CFAP46: variants seen among roughly 807,000 people sequenced by gnomAD.
CFAP46 encodes cilia and flagella associated protein 46.
In CFAP46, 245 loss-of-function variants were observed where a neutral mutation model predicts 325.7. The observed-to-expected ratio is 0.75, with a 90% CI of 0.68 to 0.84. The LOEUF (loss-of-function observed/expected upper bound fraction) is 0.84. Among genes scored for constraint, CFAP46 ranks in the 40% least tolerant of loss-of-function variants. CFAP46 has a pLI of 0.00. For synonymous variants in CFAP46, 1,523 were observed against 1,495.9 expected, an observed-to-expected ratio of 1.02 and a Z score of -0.42; for missense variants, 3,346 against 3,543.0, an observed-to-expected ratio of 0.94 and a Z score of 1.41.
chr10:132,922,193 C>T lies in CFAP46; in HGVS notation c.1517G>A (p.Arg506Lys). Residue 506 changes from arginine to lysine, a missense_variant, in exon 13 of 58, where the codon AGG becomes AAG. Transcript: ENST00000368586. ...ATTCACCAGGAGGGCCCGCTTCTTC[C>T]TGACGCTGTCCTTTGGTGTAGCTTT... is the stretch of plus-strand genomic sequence containing the variant. The part of the protein sequence containing the change: ...AKKATPKDSV[R>K]KKRALLVNAG... The T allele has an allele frequency of 1.9e-6, 3 of 1,550,526 alleles. No individual in the cohort carries two copies. Among genetic ancestry groups the T allele is most frequent in the Non-Finnish European group, 2.6e-6 (3 of 1,146,924 alleles).
intron 8 of CFAP46, among the ~76,000 whole-genome samples, chr10:132,931,667 A>AT (rs143786558): frequency 0.02 from 2,585 of 131,160 alleles, 55 homozygotes; most frequent in African/African-American, 0.035. Flanking sequence ...CTCCCCACAC[A>AT]GAGCCTGGGC....
Position 132,850,414 on chromosome 10 carries a change from G to T in CFAP46, c.5782C>A (p.Arg1928=). 3 of 1,571,488 alleles carry T rather than the reference G, an allele frequency of 1.9e-6. No individual in the cohort carries two copies. Among genetic ancestry groups the T allele is most frequent in the East Asian group, 2.3e-5 (1 of 42,804 alleles). ...GCCAGTGCCCCGTGTGCTAGAGTCC[G>T]CTTCAGCGTGAACCATTGCTTCGAA... is the stretch of plus-strand genomic sequence containing the variant. ...SVGLQWFTLK[R]TLAHGALAQL... The change falls in exon 41 of 58, where the codon CGG becomes AGG. Residue 1928 remains arginine, a synonymous_variant. Coordinates refer to ENST00000368586, the MANE Select transcript of CFAP46 (RefSeq NM_001200049.3).
intron 33 of CFAP46, 138 bp from the exon 34 acceptor site, chr10:132,867,645 C>T (rs946328698): frequency 1.7e-6 from 2 of 1,180,326 alleles, no homozygotes; most frequent in African/African-American, 1.5e-5. Context: ...TTTTAAAAAT[C>T]CTCAGGATCT....
Position 132,810,930 on chromosome 10 carries a change from C to G in CFAP46, c.7583+20G>C, listed in dbSNP as rs745340540. ...TCCATCCTCAGCATCCCTGCCCACC[C>G]GTTCCAGGCAGCCAGGCACCTCCTG... is the stretch of plus-strand genomic sequence containing the variant. On this transcript the variant is annotated intron_variant, in intron 56 of 57. Coordinates refer to ENST00000368586, the MANE Select transcript of CFAP46 (RefSeq NM_001200049.3). 13 of 1,573,350 alleles carry G rather than the reference C, an allele frequency of 8.3e-6. No homozygotes were observed. In the East Asian group the frequency reaches 2.3e-4, roughly 28 times the overall value.
chr10:132,916,894 G>A (rs1178377752), intron 16 of CFAP46, among the ~76,000 whole-genome samples: 1 of 152,186 alleles, frequency 6.6e-6, no homozygotes, highest in Non-Finnish European at 1.5e-5. Flanking sequence ...CCACCCATTA[G>A]CACAAGGGTC....
At chr10:132,937,509 G>A in intron 6 of CFAP46, 43 bp downstream of exon 6, 1 of 1,610,616 alleles carries the variant, frequency 6.2e-7, no homozygotes, top group South Asian at 1.1e-5. Context: ...TGACTTTTAA[G>A]AAAATTACTT....
At position 132,817,049 on chromosome 10, in the gene CFAP46, A is replaced by G. The variant is rs1847708895; in HGVS notation, c.7118-2135T>C. 6.6e-6 allele frequency among the ~76,000 whole-genome samples: 1 copy of G among 152,052 alleles called. No homozygotes were observed. ...AAGATTGTTAATTATGTCGCCCTGA[A>G]TCTCTCTCTTTTTGCTCTTTGTCTG... On this transcript the variant is annotated intron_variant, in intron 50 of 57. Transcript: ENST00000368586. This position sits in a 1 kb window ranked among gnomAD's most constrained non-coding sequence, Gnocchi z 4.4.
chr10:132,915,125 A>AT (rs1168126547), intron 17 of CFAP46, among the ~76,000 whole-genome samples: 2 of 152,314 alleles, frequency 1.3e-5, no homozygotes, highest in East Asian at 1.9e-4. Flanking sequence ...TTCACTGTAT[A>AT]TTTTTTCTAT....
chr10:132,823,767 CTGTGTGCTGTGTGTGCACTGA>C (rs1847953689), intron 50 of CFAP46, among the ~76,000 whole-genome samples: 2 of 50,692 alleles, frequency 3.9e-5, no homozygotes, highest in African/African-American at 2.4e-4. Context: ...TGTGTGTGTG[CTGTGTGCTGTGTGTGCACTGA>C]TGTGTGCTGT....
intron 44 of CFAP46, among the ~76,000 whole-genome samples, chr10:132,841,740 C>G (rs1848348270): frequency 6.6e-6 from 1 of 152,232 alleles, no homozygotes; most frequent in African/African-American, 2.4e-5. Context: ...AGCTGTGGGT[C>G]TATCTGCACC....
intron 40 of CFAP46, 66 bp downstream of exon 40, chr10:132,851,051 G>C: frequency 6.3e-7 from 1 of 1,580,984 alleles, no homozygotes; most frequent in Non-Finnish European, 8.7e-7. Context: ...GCTGGAACGG[G>C]GGTCCCATCA....
rs1848873165 is a variant in CFAP46 at position 132,869,898 on chromosome 10, A to G, written c.4512-526T>C. On this transcript the variant is annotated intron_variant, in intron 32 of 57. Transcript: ENST00000368586. The surrounding 1 kb of genome is among the most constrained non-coding windows in gnomAD (Gnocchi z 6.2). ...TTGCAGCCTTTCTCCCGGATCCTTC[A>G]GGGCACAGGCGCCTCCATTTATCAA... 6.6e-6 allele frequency among the ~76,000 whole-genome samples: 1 copy of G among 152,196 alleles called. No individual in the cohort carries two copies.
chr10:132,850,504 A>G, intron 40 of CFAP46, 72 bp from the exon 41 acceptor site: 1 of 1,412,980 alleles, frequency 7.1e-7, no homozygotes. Flanking sequence ...GGACCCAGTG[A>G]GCCCGCCCTC....
intron 35 of CFAP46, among the ~76,000 whole-genome samples, chr10:132,863,888 CCTGCACACACCTGTCCCCAG>C (rs1254688611): frequency 9.9e-5 from 14 of 141,720 alleles, no homozygotes; most frequent in South Asian, 4.8e-4. Flanking sequence ...CCCCCTGAGA[CCTGCACACACCTGTCCCCAG>C]TGCCTGAGAC....
intron 49 of CFAP46, 95 bp downstream of exon 49, chr10:132,833,946 C>T (rs998378613): frequency 2.6e-6 from 3 of 1,155,288 alleles, no homozygotes; most frequent in Non-Finnish European, 2.6e-6. Context: ...TTCCTGACCC[C>T]CCCTGGCGTT....
chr10:132,922,207 T>C lies in CFAP46; in HGVS notation c.1503A>G (p.Pro501=), dbSNP rs1476399898. 3.9e-6 allele frequency: 6 copies of C among 1,550,102 alleles called. No individual in the cohort carries two copies. The African/African-American group carries it at 6.8e-5, about 18-fold the overall frequency. Residue 501 remains proline (P), a synonymous_variant, in exon 13 of 58, where the codon CCA becomes CCG. Coordinates refer to ENST00000368586, the MANE Select transcript of CFAP46 (RefSeq NM_001200049.3). ...MAVEQAKKAT[P]KDSVRKKRAL... Reference sequence around the variant, plus strand: ...CCCGCTTCTTCCTGACGCTGTCCTTTGGTGTAGCTTTTTTTGCCTGTGAAA... The same window carrying C: ...CCCGCTTCTTCCTGACGCTGTCCTTCGGTGTAGCTTTTTTTGCCTGTGAAA...
chr10:132,811,969 C>T lies in CFAP46; in HGVS notation c.7501+816G>A, dbSNP rs567301000. 3.9e-5 allele frequency among the ~76,000 whole-genome samples: 6 copies of T among 152,368 alleles called. No homozygotes were observed. In the East Asian group the frequency reaches 1.2e-3, roughly 29 times the overall value. On this transcript the variant is annotated intron_variant, in intron 55 of 57. Transcript: ENST00000368586. ...GAGTCCCTAAAAGACTCCTGTCAAC[C>T]CCACACAGTGGGGCCATCAGCAGCC...
chr10:132,938,509 C>G lies in CFAP46; in HGVS notation c.536+80G>C, dbSNP rs545504137. 2,026 of 1,389,366 alleles carry G rather than the reference C, an allele frequency of 1.5e-3. 6 individuals carry two copies. The highest frequency in any genetic ancestry group is 1.3e-3 in the Non-Finnish European group (1,268 of 999,754). 86.1% of individuals were successfully genotyped at this position (1,389,366 alleles called of 1,614,324 possible). Reference sequence around the variant, plus strand: ...CAGTGATGTGGAACTCCCGTCCCCCCCCCGGAGAAGGGGTGGTGGCCTCAG... The same window carrying G: ...CAGTGATGTGGAACTCCCGTCCCCCGCCCGGAGAAGGGGTGGTGGCCTCAG... On this transcript the variant is annotated intron_variant, in intron 5 of 57. Transcript: ENST00000368586.
chr10:132,826,924 G>A (rs1848067043), intron 50 of CFAP46, among the ~76,000 whole-genome samples: 1 of 152,230 alleles, frequency 6.6e-6, no homozygotes, highest in Non-Finnish European at 1.5e-5. Flanking sequence ...TGGGCGGCGA[G>A]CTGGGCTGGG....
Sources: gnomAD v4.1 joint callset for allele counts (sites outside exome capture counted in the v4.1 genomes callset) on GRCh38, gnomAD v4.1.1 for gene constraint, Gnocchi (gnomAD v3.1) non-coding constraint, MANE v1.5 for transcripts, NCBI Gene and HGNC (gene_info 2026-07-23, HGNC 2026-07-21) for gene names.